Variants in PGM2L1 observed in about 807,000 individuals in gnomAD.
The protein encoded by PGM2L1 is phosphoglucomutase 2 like 1.
In PGM2L1, 35 loss-of-function variants were observed where a neutral mutation model predicts 73.4. The ratio of observed to expected loss-of-function variants is 0.48; its 90% confidence interval spans 0.36 to 0.63. The LOEUF (loss-of-function observed/expected upper bound fraction) is 0.63, where lower values mean the gene tolerates loss of function less well. Among genes scored for constraint, PGM2L1 ranks in the 30% least tolerant of loss-of-function variants. PGM2L1 has a pLI of 0.00. For synonymous variants in PGM2L1, 225 were observed against 253.8 expected (o/e 0.89, Z 1.08); for missense variants, 570 against 742.0 (o/e 0.77, Z 2.69).
intron 5 of PGM2L1, among the ~76,000 whole-genome samples, chr11:74,353,248 G>T (rs1862386145): frequency 6.6e-6 from 1 of 150,782 alleles, no homozygotes; most frequent in Non-Finnish European, 1.5e-5. Context: ...CAATATCTTT[G>T]TAGTGTTTGG....
chr11:74,339,999 A>G (rs1434781739), intron 12 of PGM2L1, among the ~76,000 whole-genome samples: 1 of 152,048 alleles, frequency 6.6e-6, no homozygotes, highest in Non-Finnish European at 1.5e-5. Context: ...GTAAATTGCT[A>G]TTTACTTGTC....
intron 4 of PGM2L1, 27 bp from the exon 5 acceptor site, chr11:74,368,602 C>A: frequency 6.3e-7 from 1 of 1,580,772 alleles, no homozygotes; most frequent in Non-Finnish European, 8.7e-7. Context: ...ACCATAATTC[C>A]ATTTTGCTTC....
At chr11:74,397,745 A>T (rs369516908) in intron 1 of PGM2L1, 4,342 of 150,064 alleles carry the variant, frequency 0.029, 208 homozygotes, top group African/African-American at 0.11. Context: ...AATGATGATG[A>T]TTTTTTTTTT....
chr11:74,389,992 G>A lies in PGM2L1; in HGVS notation c.111+8059C>T, dbSNP rs1464811415. ...AAATTAGCCAGGCGTGGTGACGGGC[G>A]CCTGTAGTCCCAGCTACTCGGGAGG... On this transcript the variant is annotated intron_variant, in intron 1 of 13. Transcript: ENST00000298198. Among the ~76,000 whole-genome samples the A allele has an allele frequency of 2.9e-5, 4 of 138,740 alleles. No individual in the cohort carries two copies. The East Asian group carries it at 8.2e-4, about 29-fold the overall frequency. The allele number at this position is 138,740 out of a possible 152,430, so 91.0% of individuals were successfully genotyped here. A position where few individuals can be genotyped will look rare whatever the true frequency, so the allele number is the denominator to read the frequency against.
At chr11:74,339,204 G>A (rs547702331) in intron 12 of PGM2L1, among the ~76,000 whole-genome samples, 144 of 152,272 alleles carry the variant, frequency 9.5e-4, no homozygotes, top group African/African-American at 3.4e-3. Flanking sequence ...CTATATTTGC[G>A]AAGCATTTTT....
intron 9 of PGM2L1, among the ~76,000 whole-genome samples, chr11:74,344,538 C>T (rs1862233602): frequency 6.6e-6 from 1 of 152,120 alleles, no homozygotes; most frequent in Non-Finnish European, 1.5e-5. Flanking sequence ...CTAAAGCTCA[C>T]CATTACTAAC....
rs1388574240 is a variant in PGM2L1 at position 74,398,260 on chromosome 11, C to T, written c.-99G>A. 4 of 1,443,744 alleles carry T rather than the reference C, an allele frequency of 2.8e-6. No homozygotes were observed. The highest frequency in any genetic ancestry group is 2.6e-5 in the East Asian group (1 of 39,112). 89.4% of individuals were successfully genotyped at this position (1,443,744 alleles called of 1,614,324 possible). ...CTCACCAGGGTCCAGGCGTCCCCAC[C>T]TCACTGAAGGGCATCGGAGACCAAC... is the stretch of plus-strand genomic sequence containing the variant. On this transcript the variant is annotated 5_prime_UTR_variant, in exon 1 of 14. Transcript: ENST00000298198.
rs1360860719 is a variant in PGM2L1, at chr11:74,335,217, G to A, written c.*1435C>T. ...GCTCACTGCAATCTCAGCCTCCTAG[G>A]TTCAAGCAATTCTCCTGCCTCAGCC... On this transcript the variant is annotated 3_prime_UTR_variant, in exon 14 of 14. Coordinates refer to ENST00000298198, the MANE Select transcript of PGM2L1 (RefSeq NM_173582.6). 6.6e-6 allele frequency: 1 copy of A among 151,308 alleles called. No individual in the cohort carries two copies. The highest frequency in any genetic ancestry group is 1.5e-5 in the Non-Finnish European group (1 of 67,920). The allele number at this position is 151,308 out of a possible 1,614,324, so 9.4% of individuals were successfully genotyped here. A position where few individuals can be genotyped will look rare whatever the true frequency, so the allele number is the denominator to read the frequency against.
chr11:74,380,480 CTCA>C (rs1862924746), intron 1 of PGM2L1, among the ~76,000 whole-genome samples: 1 of 151,894 alleles, frequency 6.6e-6, no homozygotes, highest in Non-Finnish European at 1.5e-5. Context: ...ATAAAATATA[CTCA>C]TCATATAAAA....
intron 5 of PGM2L1, among the ~76,000 whole-genome samples, chr11:74,356,626 C>G (rs916477269): frequency 6.6e-6 from 1 of 152,070 alleles, no homozygotes; most frequent in Admixed American, 6.5e-5. Context: ...TAATATCATG[C>G]ATGGAAAAAT....
chr11:74,385,180 C>T (rs772480858), intron 1 of PGM2L1, among the ~76,000 whole-genome samples: 22 of 152,140 alleles, frequency 1.4e-4, no homozygotes, highest in Admixed American at 5.9e-4. Flanking sequence ...GTCCAAATTA[C>T]CTCATCTGTC....
At position 74,333,156 on chromosome 11, in the gene PGM2L1, A is replaced by AT. The variant is rs974678312; in HGVS notation, c.*3495dup. 1.6e-4 allele frequency: 24 copies of AT among 152,258 alleles called. No individual in the cohort carries two copies. The highest frequency in any genetic ancestry group is 5.5e-4 in the African/African-American group (23 of 41,554). The allele number at this position is 152,258 out of a possible 1,614,324, so 9.4% of individuals were successfully genotyped here. On this transcript the variant is annotated 3_prime_UTR_variant, in exon 14 of 14. Transcript: ENST00000298198. ...GAAGGACCCTTAAAAAGTCATCTGT[A>AT]TATCTCTTAATTTTTAAAATTTTTA...
intron 1 of PGM2L1, among the ~76,000 whole-genome samples, chr11:74,378,310 A>AAAAAAG (rs549141669): frequency 2.6e-5 from 4 of 152,204 alleles, no homozygotes; most frequent in Non-Finnish European, 5.9e-5. Flanking sequence ...TCAATTAAAA[A>AAAAAAG]AAAAAGAAAA....
intron 1 of PGM2L1, among the ~76,000 whole-genome samples, chr11:74,397,032 CTGAA>C (rs1432360459): frequency 2.0e-5 from 3 of 152,066 alleles, no homozygotes; most frequent in African/African-American, 7.2e-5. Context: ...TATTTTTTTG[CTGAA>C]TGAATGAATG....
rs2134874590 is a variant in PGM2L1 at position 74,335,651 on chromosome 11, C to A, written c.*1001G>T. ...TAAATCTACTTACAAAAATGTAATTCAAAAGTTAGACTGTCAAATAAATTC... is the reference window on the plus strand; with the variant it reads ...TAAATCTACTTACAAAAATGTAATTAAAAAGTTAGACTGTCAAATAAATTC... On this transcript the variant is annotated 3_prime_UTR_variant, in exon 14 of 14. Coordinates refer to ENST00000298198, the MANE Select transcript of PGM2L1 (RefSeq NM_173582.6). 1 of 152,260 alleles carries A rather than the reference C, an allele frequency of 6.6e-6. No homozygotes were observed. Among genetic ancestry groups the A allele is most frequent in the South Asian group, 2.1e-4 (1 of 4,826 alleles). 9.4% of individuals were successfully genotyped at this position (152,260 alleles called of 1,614,324 possible).
In PGM2L1 at chr11:74,339,265, G is replaced by A. The variant is rs140153459; in HGVS notation, c.1633-664C>T. 2.2e-3 allele frequency among the ~76,000 whole-genome samples: 342 copies of A among 152,276 alleles called. 3 individuals carry two copies. Among genetic ancestry groups the A allele is most frequent in the African/African-American group, 7.8e-3 (325 of 41,548 alleles). On this transcript the variant is annotated intron_variant, in intron 12 of 13. Coordinates refer to ENST00000298198, the MANE Select transcript of PGM2L1 (RefSeq NM_173582.6). ...GGAGTGCACACATCCTGCATGTACT[G>A]GGGTGCAGAAAGAACTCTATTTTTT...
At position 74,345,497 on chromosome 11, in the gene PGM2L1, A is replaced by G; in HGVS notation, c.1190T>C (p.Ile397Thr). 3 of 1,612,558 alleles carry G rather than the reference A, an allele frequency of 1.9e-6. No homozygotes were observed. Among genetic ancestry groups the G allele is most frequent in the Non-Finnish European group, 2.5e-6 (3 of 1,178,908 alleles). Reference sequence around the variant, plus strand: ...AAAATGAAATCCTTCTTTAAGTGCAATTGCCTTCAGAATTTTAGAAGAGAC... The same window carrying G: ...AAAATGAAATCCTTCTTTAAGTGCAGTTGCCTTCAGAATTTTAGAAGAGAC... Reference protein sequence around the residue: ...TTVSSKILKAIALKEGFHFEE... With the variant: ...TTVSSKILKATALKEGFHFEE... The change falls in exon 9 of 14, where the codon ATT (isoleucine) becomes ACT (threonine). Residue 397 changes from isoleucine to threonine, a missense_variant. Physicochemically the swap from Ile to Thr is moderately conservative, Grantham distance 89. Coordinates refer to ENST00000298198, the MANE Select transcript of PGM2L1 (RefSeq NM_173582.6).
chr11:74,367,178 C>T (rs1591181879), intron 5 of PGM2L1, among the ~76,000 whole-genome samples: 1 of 152,032 alleles, frequency 6.6e-6, no homozygotes, highest in South Asian at 2.1e-4. Context: ...TGAAGGAGGA[C>T]CACTCTTAGG....
chr11:74,347,291 G>T lies in PGM2L1; in HGVS notation c.796C>A (p.His266Asn). Residue 266 changes from histidine to asparagine, a missense_variant, in exon 7 of 14, where the codon CAT (histidine) becomes AAT (asparagine). Transcript: ENST00000298198. ...TGCACATAGTCATGTCCGACCCCATGAAAAGATGTGTGCACAAATTTCAAG... is the reference window on the plus strand; with the variant it reads ...TGCACATAGTCATGTCCGACCCCATTAAAAGATGTGTGCACAAATTTCAAG... ...TTLKFVHTSF[H>N]GVGHDYVQLA... is the part of the protein sequence containing the mutation. The T allele has an allele frequency of 6.2e-7, 1 of 1,608,350 alleles. No homozygotes were observed. Among genetic ancestry groups the T allele is most frequent in the Non-Finnish European group, 8.5e-7 (1 of 1,177,356 alleles).
Sources: gnomAD v4.1 joint callset for allele counts (sites outside exome capture counted in the v4.1 genomes callset) on GRCh38, gnomAD v4.1.1 for gene constraint, MANE v1.5 for transcripts, NCBI Gene and HGNC (gene_info 2026-07-23, HGNC 2026-07-21) for gene names.